Variants in ADAMTSL1 observed in about 807,000 individuals in gnomAD.
ADAMTSL1 encodes ADAMTS-like protein 1.
In ADAMTSL1, 126 loss-of-function variants were observed where a neutral mutation model predicts 201.8. The ratio of observed to expected loss-of-function variants is 0.62; its 90% confidence interval spans 0.54 to 0.72. The LOEUF is 0.72. Among genes scored for constraint, ADAMTSL1 ranks in the 30% least tolerant of loss-of-function variants. The probability of loss-of-function intolerance (pLI) is 0.00; values close to 1 mark genes in which losing one functional copy is unlikely to be tolerated. For missense variants in ADAMTSL1, 2,679 were observed against 2,277.8 expected (o/e 1.18, Z -3.59); for synonymous variants, 1,121 against 903.4 (o/e 1.24, Z -4.32).
intron 26 of ADAMTSL1, among the ~76,000 whole-genome samples, chr9:18,899,339 GAAAAA>G (rs1171857828): frequency 5.3e-5 from 8 of 152,148 alleles, no homozygotes; most frequent in African/African-American, 1.9e-4. Flanking sequence ...TCATTGATAG[GAAAAA>G]TCAGTATCAT....
chr9:18,106,111 A>G (rs1464143692), intron 1 of ADAMTSL1, among the ~76,000 whole-genome samples: 2 of 152,158 alleles, frequency 1.3e-5, no homozygotes. Context: ...TCTATCACTA[A>G]GGAGGCAAGG....
intron 2 of ADAMTSL1, among the ~76,000 whole-genome samples, chr9:18,291,676 C>G (rs1441441463): frequency 2.0e-5 from 3 of 151,616 alleles, no homozygotes; most frequent in Non-Finnish European, 4.4e-5. Flanking sequence ...TCATCTCTCT[C>G]TCTCTCTCGG....
At chr9:18,891,174 G>A (rs576436853) in intron 25 of ADAMTSL1, among the ~76,000 whole-genome samples, 108 of 130,132 alleles carry the variant, frequency 8.3e-4, no homozygotes, top group Non-Finnish European at 1.5e-3. Flanking sequence ...ATGTGGCGCC[G>A]CTTGGCTAGG....
intron 19 of ADAMTSL1, among the ~76,000 whole-genome samples, chr9:18,779,047 G>A (rs928070373): frequency 6.6e-6 from 1 of 152,186 alleles, no homozygotes; most frequent in Non-Finnish European, 1.5e-5. Flanking sequence ...ATTGTTCCAG[G>A]CACTATGCCA....
Position 18,909,705 on chromosome 9 carries a change from G to A in ADAMTSL1, c.*1157G>A, listed in dbSNP as rs10117672. On this transcript the variant is annotated 3_prime_UTR_variant, in exon 29 of 29. Coordinates refer to ENST00000380548, the MANE Select transcript of ADAMTSL1 (RefSeq NM_001040272.6). ...GTAGCAACCTCTTCATTCCAGAGCT[G>A]GCCCAGGGACCGGGGTGGGACAATG... 0.35 allele frequency: 53,139 copies of A among 152,046 alleles called. 9,628 individuals carry two copies. The highest frequency in any genetic ancestry group is 0.41 in the Middle Eastern group (121 of 298). The allele number at this position is 152,046 out of a possible 1,614,324, so 9.4% of individuals were successfully genotyped here. A position where few individuals can be genotyped will look rare whatever the true frequency, so the allele number is the denominator to read the frequency against.
At chr9:18,139,899 T>C (rs1436290502) in intron 1 of ADAMTSL1, among the ~76,000 whole-genome samples, 1 of 152,208 alleles carries the variant, frequency 6.6e-6, no homozygotes. Flanking sequence ...CCAAAGCTCA[T>C]ATCCTCCTCT....
intron 23 of ADAMTSL1, among the ~76,000 whole-genome samples, chr9:18,831,026 T>G (rs1824944194): frequency 6.6e-6 from 1 of 152,176 alleles, no homozygotes; most frequent in Non-Finnish European, 1.5e-5. Context: ...GGTGATGACT[T>G]ATCAACATGG....
At chr9:18,117,392 T>C (rs545030302) in intron 1 of ADAMTSL1, among the ~76,000 whole-genome samples, 11 of 152,128 alleles carry the variant, frequency 7.2e-5, no homozygotes, top group Non-Finnish European at 1.2e-4. Context: ...CACTGGCTCA[T>C]TGGTGTTTCC....
intron 1 of ADAMTSL1, among the ~76,000 whole-genome samples, chr9:18,021,500 G>A (rs1456629132): frequency 1.3e-5 from 2 of 152,094 alleles, no homozygotes; most frequent in African/African-American, 2.4e-5. Flanking sequence ...TTCAGTTGGT[G>A]GTTGGAACTG....
At chr9:18,358,241 A>G (rs10963585) in intron 2 of ADAMTSL1, among the ~76,000 whole-genome samples, 154 of 152,340 alleles carry the variant, frequency 1.0e-3, no homozygotes, top group Non-Finnish European at 1.8e-3. Context: ...AGTTAACTTC[A>G]GATCTATTTC....
chr9:18,639,441 A>G lies in ADAMTSL1; in HGVS notation c.834+30A>G, dbSNP rs370732490. On this transcript the variant is annotated intron_variant, in intron 7 of 28. Coordinates refer to ENST00000380548, the MANE Select transcript of ADAMTSL1 (RefSeq NM_001040272.6). ...GCCCTATTTAGATACCTCCTTTTCA[A>G]GCCACATCCCAAATGATGTTACTTA... The G allele has an allele frequency of 2.5e-6, 4 of 1,599,496 alleles. No homozygotes were observed. In the African/African-American group the frequency reaches 4.0e-5, roughly 16 times the overall value.
chr9:18,387,766 G>C (rs62550299), intron 2 of ADAMTSL1, among the ~76,000 whole-genome samples: 1 of 151,990 alleles, frequency 6.6e-6, no homozygotes, highest in South Asian at 2.1e-4. Context: ...CTGTAGGCTT[G>C]AAAAAGTATT....
rs1275679288 is a variant in ADAMTSL1 at position 18,035,560 on chromosome 9, A to T, written c.88-128302A>T. On this transcript the variant is annotated intron_variant, in intron 1 of 29. Transcript: ENST00000680146. ...ACCACCTCATCAAGTCTTTGTTCAG[A>T]TGATCCCCTTCTCAATGAGGCCTGC... Among the ~76,000 whole-genome samples the T allele has an allele frequency of 3.9e-5, 6 of 152,252 alleles. No homozygotes were observed. The East Asian group carries it at 1.2e-3, about 29-fold the overall frequency.
intron 15 of ADAMTSL1, among the ~76,000 whole-genome samples, chr9:18,732,547 C>A (rs924664819): frequency 6.6e-6 from 1 of 152,142 alleles, no homozygotes; most frequent in African/African-American, 2.4e-5. Flanking sequence ...GGTCCTTTGA[C>A]AAGAGGTGTG....
intron 16 of ADAMTSL1, among the ~76,000 whole-genome samples, chr9:18,757,592 C>A (rs188681638): frequency 3.2e-4 from 48 of 152,222 alleles, no homozygotes; most frequent in Non-Finnish European, 6.6e-4. Context: ...CTCCCCTGCC[C>A]GCCTACCATT....
At chr9:18,528,263 C>T (rs1819219954) in intron 2 of ADAMTSL1, among the ~76,000 whole-genome samples, 1 of 151,960 alleles carries the variant, frequency 6.6e-6, no homozygotes, top group African/African-American at 2.4e-5. Flanking sequence ...TAAACGTGTG[C>T]CATGGTAGTT....
At chr9:18,691,719 G>A (rs1831230799) in intron 13 of ADAMTSL1, among the ~76,000 whole-genome samples, 1 of 152,190 alleles carries the variant, frequency 6.6e-6, no homozygotes, top group Non-Finnish European at 1.5e-5. Flanking sequence ...CAGGGACAGA[G>A]AGCTTGTGTT....
chr9:18,304,922 G>T (rs1161805110), intron 2 of ADAMTSL1, among the ~76,000 whole-genome samples: 3 of 151,972 alleles, frequency 2.0e-5, no homozygotes, highest in Non-Finnish European at 2.9e-5. Flanking sequence ...GGGCAAGATG[G>T]CTGAATAGGA....
At chr9:17,988,966 A>T (rs1221134751) in intron 1 of ADAMTSL1, among the ~76,000 whole-genome samples, 1 of 151,922 alleles carries the variant, frequency 6.6e-6, no homozygotes, top group African/African-American at 2.4e-5. Flanking sequence ...AAATACTAAG[A>T]ACAAAATGAT....
Sources: gnomAD v4.1 joint callset for allele counts (sites outside exome capture counted in the v4.1 genomes callset) on GRCh38, gnomAD v4.1.1 for gene constraint, MANE v1.5 for transcripts, NCBI Gene and HGNC (gene_info 2026-07-23, HGNC 2026-07-21) for gene names.